Variants in ARHGEF33 observed in about 807,000 individuals in gnomAD.
The protein encoded by ARHGEF33 is Rho guanine nucleotide exchange factor 33.
A neutral mutation model predicts 101.9 loss-of-function variants in ARHGEF33; 72 were observed. The ratio of observed to expected loss-of-function variants is 0.71; its 90% CI spans 0.58 to 0.86. The LOEUF is 0.86. ARHGEF33 is among the 40% of genes least tolerant of loss of function. The pLI, the probability that ARHGEF33 is intolerant of heterozygous loss-of-function variation, is 0.00. For missense variants in ARHGEF33, 1,169 were observed against 1,111.3 expected (o/e 1.05, Z -0.74); for synonymous variants, 499 against 442.5 (o/e 1.13, Z -1.60).
rs182606118 is a variant in ARHGEF33, at chr2:38,950,727, G to A, written c.921-262G>A. ...CCAAAGTGCTGGGATTACAGGTGTGGCATGCCAGGCCTCTTTATTAGTTCA... is the reference window on the plus strand; with the variant it reads ...CCAAAGTGCTGGGATTACAGGTGTGACATGCCAGGCCTCTTTATTAGTTCA... On this transcript the variant is annotated intron_variant, in intron 10 of 17. Transcript: ENST00000409978. Among the ~76,000 whole-genome samples, 4 of 152,316 alleles carry A rather than the reference G, an allele frequency of 2.6e-5. No individual in the cohort carries two copies. In the East Asian group the frequency reaches 5.8e-4, roughly 22 times the overall value.
chr2:38,938,635 A>G (rs1442176068), intron 9 of ARHGEF33, among the ~76,000 whole-genome samples: 1 of 152,204 alleles, frequency 6.6e-6, no homozygotes, highest in Admixed American at 6.5e-5. Context: ...TTAAGCTAAT[A>G]GACATTTTAC....
chr2:38,940,989 C>A (rs1667293391), intron 9 of ARHGEF33, among the ~76,000 whole-genome samples: 1 of 152,110 alleles, frequency 6.6e-6, no homozygotes, highest in Non-Finnish European at 1.5e-5. Flanking sequence ...ATGCAAAAGT[C>A]TGGAAAAATG....
chr2:38,897,469 A>G (rs561904617), intron 2 of ARHGEF33, among the ~76,000 whole-genome samples: 243 of 152,142 alleles, frequency 1.6e-3, no homozygotes, highest in Non-Finnish European at 2.4e-3. Flanking sequence ...GAACTCTAGA[A>G]CTCACTCTCT....
intron 17 of ARHGEF33, among the ~76,000 whole-genome samples, chr2:38,968,894 T>C (rs1219471958): frequency 1.3e-5 from 2 of 152,162 alleles, no homozygotes; most frequent in Non-Finnish European, 2.9e-5. Flanking sequence ...AAGTAGCGTT[T>C]TCTGAGTGTT....
chr2:38,928,956 A>G lies in ARHGEF33; in HGVS notation c.125A>G (p.Gln42Arg), dbSNP rs1243582566. 1 of 1,551,462 alleles carries G rather than the reference A, an allele frequency of 6.4e-7. No homozygotes were observed. The highest frequency in any genetic ancestry group is 2.0e-5 in the Admixed American group (1 of 50,990). Residue 42 changes from glutamine to arginine, a missense_variant, in exon 5 of 18, where the codon CAA becomes CGA. Coordinates refer to ENST00000409978, the MANE Select transcript of ARHGEF33 (RefSeq NM_001145451.5). Reference sequence around the variant, plus strand: ...AAAACTGGTTTCACAGAAGCAATGCAAGAACTGTCAAGAATTCAACATGGA... The same window carrying G: ...AAAACTGGTTTCACAGAAGCAATGCGAGAACTGTCAAGAATTCAACATGGA... Reference protein sequence around the residue: ...ELKTGFTEAMQELSRIQHGEY... With the variant: ...ELKTGFTEAMRELSRIQHGEY...
chr2:38,892,887 G>T (rs758131387), intron 1 of ARHGEF33, among the ~76,000 whole-genome samples: 3 of 152,050 alleles, frequency 2.0e-5, no homozygotes, highest in Non-Finnish European at 2.9e-5. Context: ...GTTATTAAAG[G>T]TGCCTGCTCA....
chr2:38,971,122 C>T (rs1668156859), intron 17 of ARHGEF33, among the ~76,000 whole-genome samples: 1 of 152,194 alleles, frequency 6.6e-6, no homozygotes, highest in South Asian at 2.1e-4. Context: ...ATAGTCTTTC[C>T]AATCAGAGAA....
intron 1 of ARHGEF33, among the ~76,000 whole-genome samples, chr2:38,894,487 AAAAC>A (rs147889081): frequency 0.014 from 2,150 of 152,170 alleles, 36 homozygotes; most frequent in African/African-American, 0.04. Context: ...TCTTACATTA[AAAAC>A]AAACAAACAA....
intron 2 of ARHGEF33, among the ~76,000 whole-genome samples, chr2:38,917,102 C>CTTTTTTTTTTTTTTTTTTT (rs371044814): frequency 7.7e-6 from 1 of 129,322 alleles, no homozygotes; most frequent in Non-Finnish European, 1.6e-5. Context: ...AACCGGTCTT[C>CTTTTTTTTTTTTTTTTTTT]TTTTTTTGAG....
chr2:38,893,458 C>A (rs1359183471), intron 1 of ARHGEF33, among the ~76,000 whole-genome samples: 1 of 152,154 alleles, frequency 6.6e-6, no homozygotes, highest in African/African-American at 2.4e-5. Flanking sequence ...CTGTGCCTGG[C>A]CCCTCTGGTG....
intron 16 of ARHGEF33, among the ~76,000 whole-genome samples, chr2:38,965,062 AT>A (rs903104591): frequency 6.6e-6 from 1 of 152,004 alleles, no homozygotes; most frequent in African/African-American, 2.4e-5. Context: ...AAAAAAAAAA[AT>A]CCACCCTAAC....
intron 15 of ARHGEF33, 159 bp from the exon 16 acceptor site, chr2:38,959,682 A>C: frequency 1.4e-6 from 1 of 729,110 alleles, no homozygotes; most frequent in Non-Finnish European, 2.2e-6. Context: ...CCGCCTGGGA[A>C]CGGGGGTTCG....
At chr2:38,895,095 TCTCC>T (rs900414510) in intron 1 of ARHGEF33, among the ~76,000 whole-genome samples, 2 of 152,102 alleles carry the variant, frequency 1.3e-5, no homozygotes, top group African/African-American at 4.8e-5. Flanking sequence ...TATGTCCCAG[TCTCC>T]CTCCCTCCAG....
intron 4 of ARHGEF33, 105 bp from the exon 5 acceptor site, chr2:38,928,802 A>G: frequency 9.1e-7 from 1 of 1,101,236 alleles, no homozygotes; most frequent in Non-Finnish European, 1.3e-6. Context: ...AGGTCTGTAG[A>G]TTTTCAGGAG....
At chr2:38,946,100 C>T (rs957349885) in intron 10 of ARHGEF33, among the ~76,000 whole-genome samples, 1 of 152,204 alleles carries the variant, frequency 6.6e-6, no homozygotes, top group African/African-American at 2.4e-5. Context: ...GTTTTTACTT[C>T]AGATCTCAGT....
intron 2 of ARHGEF33, among the ~76,000 whole-genome samples, chr2:38,914,142 A>T (rs1558426121): frequency 6.6e-6 from 1 of 152,378 alleles, no homozygotes; most frequent in East Asian, 1.9e-4. Context: ...TCAGGCAATG[A>T]ATATTCCTGG....
At chr2:38,913,595 C>A (rs193278762) in intron 2 of ARHGEF33, among the ~76,000 whole-genome samples, 1 of 151,696 alleles carries the variant, frequency 6.6e-6, no homozygotes, top group African/African-American at 2.4e-5. Context: ...GCCAACATGG[C>A]AAAAACCCAT....
rs1262222497 is a variant in ARHGEF33 at position 38,954,385 on chromosome 2, A to G, written c.1150A>G (p.Ile384Val). 5.8e-6 allele frequency: 9 copies of G among 1,546,644 alleles called. No homozygotes were observed. Among genetic ancestry groups the G allele is most frequent in the South Asian group, 1.2e-5 (1 of 83,912 alleles). Residue 384 changes from isoleucine (I) to valine (V), a missense_variant, in exon 13 of 18, where the codon ATT becomes GTT. Coordinates refer to ENST00000409978, the MANE Select transcript of ARHGEF33 (RefSeq NM_001145451.5). ...TTCTTTCATTCAGGGTGATGAAGAG[A>G]TTAAATCTGACATCTACACGTTGTT... is the stretch of plus-strand genomic sequence containing the variant. ...VVVLKEGDEE[I>V]KSDIYTLFFH...
At chr2:38,892,298 C>T (rs1408685834) in intron 1 of ARHGEF33, among the ~76,000 whole-genome samples, 1 of 152,092 alleles carries the variant, frequency 6.6e-6, no homozygotes, top group Non-Finnish European at 1.5e-5. Flanking sequence ...AATGAAGAAG[C>T]AAATACTGGA....
Sources: gnomAD v4.1 joint callset for allele counts (sites outside exome capture counted in the v4.1 genomes callset) on GRCh38, gnomAD v4.1.1 for gene constraint, MANE v1.5 for transcripts, NCBI Gene and HGNC (gene_info 2026-07-23, HGNC 2026-07-21) for gene names.